The following BCL2 variants were observed in gnomAD, a reference collection of about 807,000 sequenced individuals.
BCL2 encodes the protein apoptosis regulator Bcl-2.
A neutral mutation model predicts 14.2 loss-of-function variants in BCL2; 1 was observed. The ratio of observed to expected loss-of-function variants is 0.07; its 90% CI spans 0.02 to 0.33. BCL2 has a LOEUF of 0.33. Ranked by LOEUF, BCL2 falls within the 10% of genes least tolerant of loss-of-function variation. The pLI is 0.99. For synonymous variants in BCL2, 151 were observed against 137.2 expected (o/e 1.10, Z -0.70); for missense variants, 247 against 305.9 (o/e 0.81, Z 1.44).
intron 2 of BCL2, among the ~76,000 whole-genome samples, chr18:63,282,630 C>G (rs1241276149): frequency 6.6e-6 from 1 of 152,108 alleles, no homozygotes; most frequent in African/African-American, 2.4e-5. Context: ...TTTACTTACT[C>G]AAAACACCAA....
chr18:63,283,064 C>T (rs1912360964), intron 2 of BCL2, among the ~76,000 whole-genome samples: 1 of 152,200 alleles, frequency 6.6e-6, no homozygotes, highest in Non-Finnish European at 1.5e-5. Flanking sequence ...CTATTGAATG[C>T]TCCATTTAAT....
intron 2 of BCL2, among the ~76,000 whole-genome samples, chr18:63,278,378 C>T (rs530087315): frequency 1.3e-5 from 2 of 152,360 alleles, no homozygotes; most frequent in Non-Finnish European, 2.9e-5. Flanking sequence ...GGAGCCTTCT[C>T]TTCCACTAGA....
chr18:63,235,653 G>T (rs1252061945), intron 2 of BCL2, among the ~76,000 whole-genome samples: 1 of 151,640 alleles, frequency 6.6e-6, no homozygotes, highest in Non-Finnish European at 1.5e-5. Flanking sequence ...GACGTTCAGG[G>T]AAGGAAAAAG....
intron 2 of BCL2, among the ~76,000 whole-genome samples, chr18:63,255,325 G>C (rs778373522): frequency 6.6e-6 from 1 of 152,200 alleles, no homozygotes; most frequent in East Asian, 1.9e-4. Flanking sequence ...ATCAAACTCA[G>C]GGATGCTGCT....
chr18:63,184,320 T>G (rs970821820), intron 2 of BCL2, among the ~76,000 whole-genome samples: 1 of 152,256 alleles, frequency 6.6e-6, no homozygotes. Context: ...AAAACTTCCC[T>G]GCAGAGAGAG....
At chr18:63,234,353 T>G (rs1910764886) in intron 2 of BCL2, among the ~76,000 whole-genome samples, 1 of 152,236 alleles carries the variant, frequency 6.6e-6, no homozygotes, top group Non-Finnish European at 1.5e-5. Flanking sequence ...TGGTTTTCTG[T>G]TCCCGTGTTA....
intron 2 of BCL2, among the ~76,000 whole-genome samples, chr18:63,190,760 T>C (rs1403542238): frequency 6.6e-6 from 1 of 152,064 alleles, no homozygotes; most frequent in African/African-American, 2.4e-5. Flanking sequence ...GTGACATAGG[T>C]AAACGTGTGC....
chr18:63,215,306 A>G (rs1247420364), intron 2 of BCL2, among the ~76,000 whole-genome samples: 2 of 152,196 alleles, frequency 1.3e-5, no homozygotes, highest in African/African-American at 4.8e-5. Flanking sequence ...TCTTTTCTTA[A>G]TCAAGTCATC....
At chr18:63,276,159 C>A (rs935191604) in intron 2 of BCL2, among the ~76,000 whole-genome samples, 1 of 152,156 alleles carries the variant, frequency 6.6e-6, no homozygotes. Context: ...AGACAGAGGT[C>A]AGCCTGGTAC....
intron 2 of BCL2, among the ~76,000 whole-genome samples, chr18:63,226,477 T>C (rs1198627276): frequency 6.6e-6 from 1 of 152,188 alleles, no homozygotes; most frequent in African/African-American, 2.4e-5. Flanking sequence ...TGCTCATTAA[T>C]AGGGAGAAGG....
chr18:63,197,846 G>A (rs1315421650), intron 2 of BCL2, among the ~76,000 whole-genome samples: 3 of 152,190 alleles, frequency 2.0e-5, no homozygotes, highest in Non-Finnish European at 1.5e-5. Flanking sequence ...AGAGAGCATA[G>A]TTTTGTTGGC....
chr18:63,284,109 TG>T (rs987742570), intron 2 of BCL2, among the ~76,000 whole-genome samples: 7 of 152,276 alleles, frequency 4.6e-5, no homozygotes, highest in African/African-American at 1.4e-4. Context: ...AGCCTTGGCC[TG>T]GGGGCACTTC....
intron 2 of BCL2, among the ~76,000 whole-genome samples, chr18:63,155,622 A>G (rs1471540908): frequency 6.6e-6 from 1 of 152,068 alleles, no homozygotes; most frequent in East Asian, 1.9e-4. Flanking sequence ...AGGGAAGAGT[A>G]GGGCTGTTGG....
chr18:63,161,020 T>G (rs549302377), intron 2 of BCL2, among the ~76,000 whole-genome samples: 6 of 152,312 alleles, frequency 3.9e-5, no homozygotes, highest in African/African-American at 1.4e-4. Context: ...CAAAACATTA[T>G]GCAGGAAGGA....
intron 2 of BCL2, among the ~76,000 whole-genome samples, chr18:63,299,653 T>G (rs1057008626): frequency 2.0e-5 from 3 of 152,150 alleles, no homozygotes; most frequent in Non-Finnish European, 4.4e-5. Context: ...TCTTCCCGCT[T>G]CATCCCCTTC....
intron 2 of BCL2, chr18:63,302,549 T>C (rs968158507): frequency 2.5e-5 from 25 of 985,382 alleles, no homozygotes; most frequent in East Asian, 1.1e-4. Context: ...AGATGTTGAA[T>C]TGAAATTTTT....
Position 63,132,705 on chromosome 18 carries a change from C to G in BCL2, c.586-3946G>C, listed in dbSNP as rs562067971. On this transcript the variant is annotated intron_variant, in intron 2 of 2. Coordinates refer to ENST00000333681, the MANE Select transcript of BCL2 (RefSeq NM_000633.3). ...ACTAAAATGACCTGAAAGCTTCTTTCGTAGAAAGTCTTCCTGATTTTTCAA... is the reference window on the plus strand; with the variant it reads ...ACTAAAATGACCTGAAAGCTTCTTTGGTAGAAAGTCTTCCTGATTTTTCAA... 2.0e-5 allele frequency among the ~76,000 whole-genome samples: 3 copies of G among 152,276 alleles called. No homozygotes were observed. In the South Asian group the frequency reaches 6.2e-4, roughly 32 times the overall value.
chr18:63,189,638 T>G (rs891907288), intron 2 of BCL2, among the ~76,000 whole-genome samples: 3 of 152,106 alleles, frequency 2.0e-5, no homozygotes, highest in Non-Finnish European at 4.4e-5. Context: ...GTTCTACGTA[T>G]TTTTGAGGAA....
chr18:63,137,560 T>G (rs536413992), intron 2 of BCL2, among the ~76,000 whole-genome samples: 5 of 152,322 alleles, frequency 3.3e-5, no homozygotes, highest in Middle Eastern at 3.4e-3. Flanking sequence ...TTCAGTGCTT[T>G]TTTTTTCTTT....
Sources: gnomAD v4.1 joint callset for allele counts (sites outside exome capture counted in the v4.1 genomes callset) on GRCh38, gnomAD v4.1.1 for gene constraint, MANE v1.5 for transcripts, NCBI Gene and HGNC (gene_info 2026-07-23, HGNC 2026-07-21) for gene names.